The following RBMS2 variants were observed in gnomAD, a reference collection of about 807,000 sequenced individuals.
The protein encoded by RBMS2 is RNA-binding motif, single-stranded-interacting protein 2.
A neutral mutation model predicts 58.4 loss-of-function variants in RBMS2; 38 were observed. The ratio of observed to expected loss-of-function variants is 0.65; its 90% confidence interval spans 0.50 to 0.85. The LOEUF (loss-of-function observed/expected upper bound fraction) is 0.85. Among genes scored for constraint, RBMS2 ranks in the 40% least tolerant of loss-of-function variants. RBMS2 has a pLI of 0.00. For missense variants in RBMS2, 367 were observed against 503.7 expected, an observed-to-expected ratio of 0.73 and a Z score of 2.60; for synonymous variants, 151 against 180.7, an observed-to-expected ratio of 0.84 and a Z score of 1.32.
upstream of RBMS2, among the ~76,000 whole-genome samples, chr12:56,521,371 G>A (rs1294686140): frequency 5.4e-5 from 8 of 147,758 alleles, no homozygotes; most frequent in African/African-American, 7.4e-5. Context: ...GCAGTGAGCC[G>A]GATCCGGGAT....
chr12:56,594,925 T>G lies in RBMS2; in HGVS notation c.*5792T>G, dbSNP rs1269176632. On this transcript the variant is annotated 3_prime_UTR_variant, in exon 14 of 14. Coordinates refer to ENST00000262031, the MANE Select transcript of RBMS2 (RefSeq NM_002898.4). The stretch of plus-strand genomic sequence containing the variant: ...TGGGAAGGTGGGGGCTAGAAAAGGC[T>G]CATAATTTTTAAACTCTTGGGAATT... 1 of 152,162 alleles carries G rather than the reference T, an allele frequency of 6.6e-6. No individual in the cohort carries two copies. The highest frequency in any genetic ancestry group is 1.5e-5 in the Non-Finnish European group (1 of 68,026). 9.4% of individuals were successfully genotyped at this position (152,162 alleles called of 1,614,324 possible).
chr12:56,590,908 C>G lies in RBMS2; in HGVS notation c.*1775C>G, dbSNP rs1256911336. On this transcript the variant is annotated 3_prime_UTR_variant, in exon 14 of 14. Transcript: ENST00000262031. ...AAATAATGTTCCTTCTGTGGAAGGA[C>G]AACGGGGAGCTAGGGTAGCAAAGAG... The G allele has an allele frequency of 1.3e-5, 2 of 152,146 alleles. No homozygotes were observed. The highest frequency in any genetic ancestry group is 2.9e-5 in the Non-Finnish European group (2 of 68,050). 9.4% of individuals were successfully genotyped at this position (152,146 alleles called of 1,614,324 possible).
chr12:56,568,286 C>T (rs1285861967), intron 2 of RBMS2, among the ~76,000 whole-genome samples: 2 of 152,250 alleles, frequency 1.3e-5, no homozygotes, highest in African/African-American at 4.8e-5. Flanking sequence ...TAAGTAATGG[C>T]AAGGATTCTT....
chr12:56,523,425 T>C (rs1193159274), intron 1 of RBMS2, among the ~76,000 whole-genome samples: 1 of 152,206 alleles, frequency 6.6e-6, no homozygotes, highest in African/African-American at 2.4e-5. Context: ...ACCTTTCTAC[T>C]ATCTATATGT....
intron 5 of RBMS2, among the ~76,000 whole-genome samples, chr12:56,579,901 G>A (rs2136540019): frequency 6.6e-6 from 1 of 152,140 alleles, no homozygotes; most frequent in South Asian, 2.1e-4. Flanking sequence ...ATAAGGAGTA[G>A]ATCAGAGGGG....
intron 2 of RBMS2, among the ~76,000 whole-genome samples, chr12:56,563,514 C>G (rs973313957): frequency 1.3e-5 from 2 of 152,110 alleles, no homozygotes; most frequent in Non-Finnish European, 2.9e-5. Flanking sequence ...GAAGACCCTT[C>G]GGAGTTCTTT....
intron 1 of RBMS2, among the ~76,000 whole-genome samples, chr12:56,532,919 G>C (rs1395281231): frequency 1.4e-5 from 2 of 138,950 alleles, no homozygotes; most frequent in African/African-American, 4.9e-5. Flanking sequence ...TTACTCTCTT[G>C]CTTTTTATTT....
chr12:56,588,385 T>C lies in RBMS2; in HGVS notation c.1143+11T>C. 1 of 1,603,330 alleles carries C rather than the reference T, an allele frequency of 6.2e-7. No homozygotes were observed. Among genetic ancestry groups the C allele is most frequent in the Non-Finnish European group, 8.5e-7 (1 of 1,170,534 alleles). On this transcript the variant is annotated intron_variant, in intron 12 of 13. Transcript: ENST00000262031. ...AGTGTTTCAGTCGAGGTAAGGGTGT[T>C]ATCATTTCTTTGGATTGAGATTAGG...
At position 56,570,101 on chromosome 12, in the gene RBMS2, G is replaced by A. The variant is rs1241762163; in HGVS notation, c.384+111G>A. ...GAACCATGAAATTGAGTGGGCAAGG[G>A]CTATCCGTGGTGCTTTCTAGACAGT... On this transcript the variant is annotated intron_variant, in intron 4 of 13. Coordinates refer to ENST00000262031, the MANE Select transcript of RBMS2 (RefSeq NM_002898.4). 5 of 940,156 alleles carry A rather than the reference G, an allele frequency of 5.3e-6. No individual in the cohort carries two copies. The East Asian group carries it at 1.3e-4, about 24-fold the overall frequency. 58.2% of individuals were successfully genotyped at this position (940,156 alleles called of 1,614,324 possible).
In RBMS2 at chr12:56,592,229, A is replaced by C. The variant is rs1885352920; in HGVS notation, c.*3096A>C. The C allele has an allele frequency of 6.6e-6, 1 of 152,098 alleles. No individual in the cohort carries two copies. The highest frequency in any genetic ancestry group is 6.6e-5 in the Admixed American group (1 of 15,264). 9.4% of individuals were successfully genotyped at this position (152,098 alleles called of 1,614,324 possible). The stretch of plus-strand genomic sequence containing the variant: ...AGCTCTTACTCTCTTTGTACTTTAC[A>C]TCTCACCCCCACTCATTACAGATGC... On this transcript the variant is annotated 3_prime_UTR_variant, in exon 14 of 14. Transcript: ENST00000262031.
intron 1 of RBMS2, among the ~76,000 whole-genome samples, chr12:56,535,160 C>T (rs1874531993): frequency 6.6e-6 from 1 of 151,992 alleles, no homozygotes; most frequent in African/African-American, 2.4e-5. Flanking sequence ...GGACTCAGTC[C>T]TTGAGCCTCT....
chr12:56,581,081 A>G, intron 5 of RBMS2, 103 bp from the exon 6 acceptor site: 1 of 931,666 alleles, frequency 1.1e-6, no homozygotes, highest in Non-Finnish European at 1.8e-6. Context: ...TAACATTTGG[A>G]GCAGTTGTGG....
At position 56,533,408 on chromosome 12, in the gene RBMS2, C is replaced by CTTTTTTTTTT. The variant is rs1164155079; in HGVS notation, c.66+11335_66+11344dup. On this transcript the variant is annotated intron_variant, in intron 1 of 13. Coordinates refer to ENST00000262031, the MANE Select transcript of RBMS2 (RefSeq NM_002898.4). ...TGAGCCGCGGCACCCAGCCCTATTA[C>CTTTTTTTTTT]TTTTTTTTTTTTTTTTTTTTTTTTT... Among the ~76,000 whole-genome samples, 142 of 65,300 alleles carry CTTTTTTTTTT rather than the reference C, an allele frequency of 2.2e-3. 15 individuals carry two copies. Among genetic ancestry groups the CTTTTTTTTTT allele is most frequent in the African/African-American group, 4.7e-3 (70 of 14,936 alleles). 42.8% of individuals were successfully genotyped at this position (65,300 alleles called of 152,430 possible).
chr12:56,545,971 C>G (rs1458060755), intron 1 of RBMS2, among the ~76,000 whole-genome samples: 1 of 144,514 alleles, frequency 6.9e-6, no homozygotes, highest in Non-Finnish European at 1.5e-5. Flanking sequence ...GGGTCTCACT[C>G]TGTTGCCCAG....
intron 1 of RBMS2, among the ~76,000 whole-genome samples, chr12:56,560,146 C>T (rs183333407): frequency 1.2e-3 from 180 of 152,078 alleles, no homozygotes; most frequent in African/African-American, 3.9e-3. Context: ...CCACCCGCCT[C>T]GGCCTCCCAA....
At chr12:56,578,312 A>G (rs1883440935) in intron 5 of RBMS2, among the ~76,000 whole-genome samples, 1 of 151,886 alleles carries the variant, frequency 6.6e-6, no homozygotes, top group African/African-American at 2.4e-5. Context: ...TATTTTTAGT[A>G]GAGACAGGGT....
chr12:56,545,405 T>C (rs1876982192), intron 1 of RBMS2, among the ~76,000 whole-genome samples: 1 of 152,216 alleles, frequency 6.6e-6, no homozygotes, highest in South Asian at 2.1e-4. Context: ...AACAGCTCTA[T>C]TGAGATATAA....
intron 1 of RBMS2, among the ~76,000 whole-genome samples, chr12:56,558,723 GTATC>G (rs1351329341): frequency 2.6e-5 from 4 of 151,242 alleles, no homozygotes; most frequent in African/African-American, 9.7e-5. Flanking sequence ...AGCCCTGTGA[GTATC>G]TGGGACTACA....
At chr12:56,524,859 A>G (rs1046454963) in intron 1 of RBMS2, among the ~76,000 whole-genome samples, 11 of 151,376 alleles carry the variant, frequency 7.3e-5, no homozygotes, top group African/African-American at 2.7e-4. Context: ...AGTTGGGATT[A>G]CAGGTGCCCG....
Sources: allele counts gnomAD v4.1 joint callset (sites outside exome capture counted in the v4.1 genomes callset), GRCh38; gene constraint gnomAD v4.1.1; transcripts MANE v1.5; gene names NCBI Gene and HGNC (gene_info 2026-07-23, HGNC 2026-07-21).